The following MEIOB variants were observed in gnomAD, a reference collection of about 807,000 sequenced individuals.
The protein encoded by MEIOB is meiosis specific with OB-fold.
Under a neutral mutation model 53.1 loss-of-function variants are expected in MEIOB, and 50 were observed. The ratio of observed to expected loss-of-function variants is 0.94; its 90% CI spans 0.75 to 1.19. MEIOB has a LOEUF of 1.19. Among genes scored for constraint, MEIOB ranks in the 50% most tolerant of loss-of-function variants. The probability of loss-of-function intolerance (pLI) is 0.00; values close to 1 mark genes in which losing one functional copy is unlikely to be tolerated. For synonymous variants in MEIOB, 192 were observed against 182.5 expected (o/e 1.05, Z -0.42); for missense variants, 551 against 550.8 (o/e 1.00, Z 0.00).
intron 2 of MEIOB, among the ~76,000 whole-genome samples, chr16:1,867,329 A>G (rs1899618224): frequency 6.6e-6 from 1 of 152,132 alleles, no homozygotes; most frequent in African/African-American, 2.4e-5. Flanking sequence ...TCAAAGAGTC[A>G]ATTTTCACAT....
At position 1,860,200 on chromosome 16, in the gene MEIOB, C is replaced by T. The variant is rs529989643; in HGVS notation, c.332+203G>A. Among the ~76,000 whole-genome samples, 54 of 152,302 alleles carry T rather than the reference C, an allele frequency of 3.5e-4. 1 individual carries two copies. The South Asian group carries it at 0.011, about 32-fold the overall frequency. ...AAATCTAAGAATGAGAATCAAAGTA[C>T]TAAAACCAAAGCCATTTATCATGTG... is the stretch of plus-strand genomic sequence containing the variant. On this transcript the variant is annotated intron_variant, in intron 5 of 13. Coordinates refer to ENST00000325962, the MANE Select transcript of MEIOB (RefSeq NM_001163560.3).
Position 1,839,356 on chromosome 16 carries a change from A to G in MEIOB, c.1117T>C (p.Phe373Leu), listed in dbSNP as rs1333544791. 6.2e-7 allele frequency: 1 copy of G among 1,614,126 alleles called. No individual in the cohort carries two copies. Among genetic ancestry groups the G allele is most frequent in the Non-Finnish European group, 8.5e-7 (1 of 1,180,054 alleles). Reference protein sequence around the residue: ...NKNSLDFKSVFLSFHVLIDLT... With the variant: ...NKNSLDFKSVLLSFHVLIDLT... ...TCAATCAGCACATGGAAACTGAGAA[A>G]GACAGATTTAAAGTCCAAGGAGTTT... The change falls in exon 12 of 14, where the codon TTT (phenylalanine) becomes CTT (leucine). Residue 373 changes from phenylalanine (F) to leucine (L), a missense_variant. Transcript: ENST00000325962.
intron 13 of MEIOB, among the ~76,000 whole-genome samples, chr16:1,835,212 AC>A (rs1189417320): frequency 1.3e-5 from 2 of 151,832 alleles, no homozygotes; most frequent in Non-Finnish European, 2.9e-5. Flanking sequence ...CTGTGATCGC[AC>A]CACGTGCTCC....
intron 6 of MEIOB, among the ~76,000 whole-genome samples, chr16:1,855,104 G>C (rs1370829379): frequency 6.6e-6 from 1 of 152,334 alleles, no homozygotes; most frequent in East Asian, 1.9e-4. Flanking sequence ...TGAAACGCCA[G>C]TGGGGGTGAG....
In MEIOB at chr16:1,854,133, T is replaced by A; in HGVS notation, c.596A>T (p.Tyr199Phe). ...RKGQRCEVRL[Y>F]DETESSFAMT... ...CGCAAAAGACGACTCTGTTTCATCATAGAGTCTAACTTCACACCTCTGGCC... is the reference window on the plus strand; with the variant it reads ...CGCAAAAGACGACTCTGTTTCATCAAAGAGTCTAACTTCACACCTCTGGCC... Residue 199 changes from tyrosine to phenylalanine, a missense_variant, in exon 7 of 14, where the codon TAT (tyrosine) becomes TTT (phenylalanine). Coordinates refer to ENST00000325962, the MANE Select transcript of MEIOB (RefSeq NM_001163560.3). The A allele has an allele frequency of 6.4e-7, 1 of 1,550,962 alleles. No individual in the cohort carries two copies. The highest frequency in any genetic ancestry group is 1.2e-5 in the South Asian group (1 of 83,992).
intron 5 of MEIOB, among the ~76,000 whole-genome samples, chr16:1,858,686 C>G (rs1371051411): frequency 6.6e-6 from 1 of 152,186 alleles, no homozygotes; most frequent in Admixed American, 6.5e-5. Context: ...GCAAAGCTGT[C>G]TGTAAAATAT....
At chr16:1,864,723 G>A (rs1402124777) in intron 3 of MEIOB, among the ~76,000 whole-genome samples, 2 of 151,912 alleles carry the variant, frequency 1.3e-5, no homozygotes, top group African/African-American at 2.4e-5. Flanking sequence ...CCTGACCTCA[G>A]GTGATCCGCC....
intron 1 of MEIOB, among the ~76,000 whole-genome samples, chr16:1,868,798 T>C (rs912299951): frequency 4.6e-5 from 7 of 151,848 alleles, no homozygotes; most frequent in Non-Finnish European, 7.4e-5. Context: ...GAGCTTGCAG[T>C]GAGCTGAGAT....
In MEIOB at chr16:1,857,900, G is replaced by C. The variant is rs1414011960; in HGVS notation, c.363C>G (p.His121Gln). Residue 121 changes from histidine (H) to glutamine (Q), a missense_variant, in exon 6 of 14, where the codon CAC becomes CAG. Transcript: ENST00000325962. The stretch of plus-strand genomic sequence containing the variant: ...AACTGGAACAAACTTTTACTGTTGA[G>C]TGATTCTCACTGAGCAACAGTTTAC... The part of the protein sequence containing the change: ...SNCKLLLSEN[H>Q]STVKVCSSYE... 6.4e-7 allele frequency: 1 copy of C among 1,550,468 alleles called. No individual in the cohort carries two copies. Among genetic ancestry groups the C allele is most frequent in the Admixed American group, 2.0e-5 (1 of 50,822 alleles).
chr16:1,870,067 T>C (rs1166385480), intron 1 of MEIOB, among the ~76,000 whole-genome samples: 1 of 151,720 alleles, frequency 6.6e-6, no homozygotes, highest in African/African-American at 2.4e-5. Flanking sequence ...AGAGATGGGG[T>C]TTCACTGTGT....
chr16:1,864,956 G>A (rs1261622440), intron 3 of MEIOB, among the ~76,000 whole-genome samples: 3 of 152,122 alleles, frequency 2.0e-5, no homozygotes, highest in African/African-American at 7.2e-5. Context: ...GAAATAAAGT[G>A]CAGGCACAAA....
At chr16:1,853,834 ACAT>A (rs1344691018) in intron 7 of MEIOB, among the ~76,000 whole-genome samples, 1 of 152,128 alleles carries the variant, frequency 6.6e-6, no homozygotes, top group African/African-American at 2.4e-5. Flanking sequence ...ACCTAATAAA[ACAT>A]CATTTGTTAC....
intron 10 of MEIOB, among the ~76,000 whole-genome samples, chr16:1,843,838 C>A (rs1395913511): frequency 1.3e-5 from 2 of 151,870 alleles, no homozygotes; most frequent in Non-Finnish European, 2.9e-5. Context: ...TTTTATTTTT[C>A]TTTATCTTAG....
rs912863649 is a variant in MEIOB, at chr16:1,865,826, C to T, written c.79G>A (p.Gly27Ser). Residue 27 changes from glycine (G) to serine (S), a missense_variant, in exon 3 of 14, where the codon GGT becomes AGT. Gly to Ser is a moderately conservative substitution (Grantham distance 56). Transcript: ENST00000325962. ...QTNMANLKVIGIVIGKTDVKG... is the reference protein window; with the variant it reads ...QTNMANLKVISIVIGKTDVKG... ...ACATCTGTTTTCCCAATAACTATAC[C>T]GATAACTTTCTGAAAAACAAAAAGG... is the stretch of plus-strand genomic sequence containing the variant. 9.7e-6 allele frequency: 15 copies of T among 1,545,600 alleles called. No homozygotes were observed. The highest frequency in any genetic ancestry group is 4.1e-5 in the African/African-American group (3 of 72,654).
chr16:1,871,344 C>G (rs554064393), intron 1 of MEIOB, among the ~76,000 whole-genome samples: 3 of 118,294 alleles, frequency 2.5e-5, no homozygotes, highest in Admixed American at 9.0e-5. Context: ...CTCAGCCTCC[C>G]GAGTAGCTGG....
chr16:1,855,885 A>G (rs989227429), intron 6 of MEIOB, among the ~76,000 whole-genome samples: 1 of 150,780 alleles, frequency 6.6e-6, no homozygotes, highest in African/African-American at 2.5e-5. Flanking sequence ...ATAACAAGCA[A>G]TTCACATTTA....
chr16:1,844,648 G>C (rs1183239947), intron 10 of MEIOB, among the ~76,000 whole-genome samples: 2 of 152,038 alleles, frequency 1.3e-5, no homozygotes, highest in Non-Finnish European at 2.9e-5. Context: ...TTTTAGTAGA[G>C]ACGGCGTTTT....
Position 1,866,266 on chromosome 16 carries a change from GA to G in MEIOB, c.70-432del, listed in dbSNP as rs1223415613. Reference sequence around the variant, plus strand: ...TTAGCTTCTTAATCCAAACATGCTGGACAGTAATATAAATTAGACTGTAACA... The same window carrying G: ...TTAGCTTCTTAATCCAAACATGCTGGCAGTAATATAAATTAGACTGTAACA... On this transcript the variant is annotated intron_variant, in intron 2 of 13. Transcript: ENST00000325962. 2.0e-5 allele frequency among the ~76,000 whole-genome samples: 3 copies of G among 152,178 alleles called. No individual in the cohort carries two copies. In the East Asian group the frequency reaches 5.8e-4, roughly 29 times the overall value.
In MEIOB at chr16:1,862,082, G is replaced by A. The variant is rs958253868; in HGVS notation, c.162C>T (p.Thr54=). The change falls in exon 4 of 14, where the codon ACC becomes ACT. Residue 54 remains threonine, a synonymous_variant. Coordinates refer to ENST00000325962, the MANE Select transcript of MEIOB (RefSeq NM_001163560.3). The part of the protein sequence containing the change: ...IGSERYTFSF[T]IRDSPAHFVN... Reference sequence around the variant, plus strand: ...CAAAATGTGCTGGTGAATCCCGAATGGTGAAGCTGAAAGTGTACCTTTCTG... The same window carrying A: ...CAAAATGTGCTGGTGAATCCCGAATAGTGAAGCTGAAAGTGTACCTTTCTG... The A allele has an allele frequency of 9.5e-5, 148 of 1,551,104 alleles. No individual in the cohort carries two copies. Among genetic ancestry groups the A allele is most frequent in the Non-Finnish European group, 1.3e-4 (144 of 1,146,678 alleles).
Sources: gnomAD v4.1 joint callset for allele counts (sites outside exome capture counted in the v4.1 genomes callset) on GRCh38, gnomAD v4.1.1 for gene constraint, MANE v1.5 for transcripts, NCBI Gene and HGNC (gene_info 2026-07-23, HGNC 2026-07-21) for gene names.